The following SOX6 variants were observed in gnomAD, a reference collection of about 807,000 sequenced individuals.
The protein encoded by SOX6 is transcription factor SOX-6.
Under a neutral mutation model 97.8 loss-of-function variants are expected in SOX6, and 11 were observed. The observed-to-expected ratio is 0.11, with a 90% CI of 0.07 to 0.19. The LOEUF (loss-of-function observed/expected upper bound fraction) is 0.19. Among genes scored for constraint, SOX6 ranks in the 10% least tolerant of loss-of-function variants. SOX6 has a pLI of 1.00. For missense variants in SOX6, 810 were observed against 1,039.5 expected, an observed-to-expected ratio of 0.78 and a Z score of 3.04; for synonymous variants, 360 against 371.4, an observed-to-expected ratio of 0.97 and a Z score of 0.35.
chr11:16,444,232 T>C (rs1859569231), intron 1 of SOX6, among the ~76,000 whole-genome samples: 1 of 152,168 alleles, frequency 6.6e-6, no homozygotes, highest in Non-Finnish European at 1.5e-5. Context: ...ACGAATGTGT[T>C]AAAAAATGGT....
chr11:16,731,376 C>T (rs1478649195), intron 2 of SOX6, among the ~76,000 whole-genome samples: 2 of 152,162 alleles, frequency 1.3e-5, no homozygotes, highest in African/African-American at 4.8e-5. Flanking sequence ...AATCCAGCAG[C>T]ACATGAAAAA....
At chr11:16,533,240 C>T (rs1469598482) in intron 4 of SOX6, among the ~76,000 whole-genome samples, 5 of 151,768 alleles carry the variant, frequency 3.3e-5, no homozygotes, top group Admixed American at 3.3e-4. Context: ...GCAATAGAAA[C>T]ATAGTATTTA....
chr11:16,509,311 T>C (rs1194389287), intron 4 of SOX6, among the ~76,000 whole-genome samples: 1 of 151,988 alleles, frequency 6.6e-6, no homozygotes, highest in Non-Finnish European at 1.5e-5. Flanking sequence ...ATAAAGGTTA[T>C]CTGGCAAAGC....
At chr11:16,088,522 C>T (rs1253426999) in intron 9 of SOX6, among the ~76,000 whole-genome samples, 1 of 152,088 alleles carries the variant, frequency 6.6e-6, no homozygotes, top group Non-Finnish European at 1.5e-5. Context: ...ATAGTTGCGC[C>T]CTTTCCAGAA....
At chr11:16,032,091 C>T (rs1163528420) in intron 12 of SOX6, among the ~76,000 whole-genome samples, 2 of 152,144 alleles carry the variant, frequency 1.3e-5, no homozygotes, top group Admixed American at 6.5e-5. Context: ...AGAGTAACTA[C>T]TTCTTCCAAA....
At chr11:16,622,424 C>T (rs1248172982) in intron 3 of SOX6, among the ~76,000 whole-genome samples, 2 of 151,006 alleles carry the variant, frequency 1.3e-5, no homozygotes, top group Non-Finnish European at 3.0e-5. Flanking sequence ...CATCCCCTCC[C>T]ACCCTTTTAC....
chr11:16,548,711 G>A (rs554355344), intron 4 of SOX6, among the ~76,000 whole-genome samples: 1 of 152,228 alleles, frequency 6.6e-6, no homozygotes, highest in Admixed American at 6.5e-5. Flanking sequence ...GTCAAAGGAT[G>A]TAAAATTTCA....
At chr11:16,268,993 T>C (rs1565059510) in intron 3 of SOX6, among the ~76,000 whole-genome samples, 2 of 150,920 alleles carry the variant, frequency 1.3e-5, no homozygotes, top group Non-Finnish European at 3.0e-5. Context: ...CATAAGGCCT[T>C]TCATTCAAGA....
At chr11:16,625,624 A>G (rs1040760463) in intron 3 of SOX6, among the ~76,000 whole-genome samples, 4 of 152,200 alleles carry the variant, frequency 2.6e-5, no homozygotes, top group African/African-American at 9.7e-5. Flanking sequence ...AAGCTTTGAA[A>G]TTTTAGTCCT....
chr11:16,023,305 A>G (rs1009267155), intron 12 of SOX6: 3 of 152,100 alleles, frequency 2.0e-5, no homozygotes, highest in Admixed American at 6.6e-5. Context: ...TACAGTATCC[A>G]TGTCTTATTA....
At chr11:16,558,920 C>T (rs1362422626) in intron 4 of SOX6, among the ~76,000 whole-genome samples, 1 of 152,028 alleles carries the variant, frequency 6.6e-6, no homozygotes, top group African/African-American at 2.4e-5. Flanking sequence ...GATTTTTTAG[C>T]ATCGGAAAGC....
chr11:16,334,582 C>G (rs911388930), intron 2 of SOX6, among the ~76,000 whole-genome samples: 1 of 151,996 alleles, frequency 6.6e-6, no homozygotes, highest in African/African-American at 2.4e-5. Context: ...CACGCACCAC[C>G]ACGTCTGGCT....
At chr11:16,182,306 C>A (rs1222138130) in intron 6 of SOX6, among the ~76,000 whole-genome samples, 1 of 151,696 alleles carries the variant, frequency 6.6e-6, no homozygotes, top group Non-Finnish European at 1.5e-5. Context: ...TATAAGAACA[C>A]CTCAGGGAAC....
intron 2 of SOX6, among the ~76,000 whole-genome samples, chr11:16,733,277 T>G (rs1426035604): frequency 6.6e-6 from 1 of 152,208 alleles, no homozygotes; most frequent in African/African-American, 2.4e-5. Context: ...CAGATGCACA[T>G]GTATGTTTAT....
intron 4 of SOX6, among the ~76,000 whole-genome samples, chr11:16,205,851 A>G (rs1852057399): frequency 6.6e-6 from 1 of 152,118 alleles, no homozygotes; most frequent in Non-Finnish European, 1.5e-5. Context: ...ACCTTGTACA[A>G]GTAATTCTCT....
chr11:16,562,083 G>T (rs929797133), intron 4 of SOX6, among the ~76,000 whole-genome samples: 1 of 152,086 alleles, frequency 6.6e-6, no homozygotes, highest in Non-Finnish European at 1.5e-5. Context: ...TTTTCCAGAG[G>T]TTATATAATA....
chr11:16,216,385 G>C (rs895770979), intron 4 of SOX6, among the ~76,000 whole-genome samples: 4 of 152,020 alleles, frequency 2.6e-5, no homozygotes, highest in African/African-American at 9.7e-5. Flanking sequence ...ATTCCTTCTC[G>C]AAAAGAAGGA....
intron 4 of SOX6, among the ~76,000 whole-genome samples, chr11:16,223,055 T>C (rs904428524): frequency 2.6e-5 from 4 of 152,154 alleles, no homozygotes; most frequent in Non-Finnish European, 1.5e-5. Flanking sequence ...TGTTAACAGT[T>C]TACTAAATAT....
At chr11:16,492,037 C>T (rs1018828603) in intron 4 of SOX6, among the ~76,000 whole-genome samples, 7 of 152,034 alleles carry the variant, frequency 4.6e-5, no homozygotes, top group African/African-American at 1.5e-4. Context: ...AATACACTAC[C>T]TAAAAAAGTA....
Sources: allele counts gnomAD v4.1 joint callset (sites outside exome capture counted in the v4.1 genomes callset), GRCh38; gene constraint gnomAD v4.1.1; transcripts MANE v1.5; gene names NCBI Gene and HGNC (gene_info 2026-07-23, HGNC 2026-07-21).